The following SCML4 variants were observed in gnomAD, a reference collection of about 807,000 sequenced individuals.
SCML4 encodes Scm polycomb group protein like 4.
A neutral mutation model predicts 41.1 loss-of-function variants in SCML4; 34 were observed. The observed-to-expected ratio is 0.83, with a 90% CI of 0.63 to 1.10. The LOEUF (loss-of-function observed/expected upper bound fraction) is 1.10, where lower values mean the gene tolerates loss of function less well. Ranked by LOEUF, SCML4 falls within the 50% of genes least tolerant of loss-of-function variation. The pLI is 0.00. For missense variants in SCML4, 522 were observed against 534.1 expected (o/e 0.98, Z 0.22); for synonymous variants, 214 against 220.9 (o/e 0.97, Z 0.28).
chr6:107,797,002 C>T (rs180716568), intron 1 of SCML4, among the ~76,000 whole-genome samples: 17 of 152,138 alleles, frequency 1.1e-4, no homozygotes, highest in East Asian at 1.9e-4. Context: ...TATTTCTGAA[C>T]GCTTGATTCT....
chr6:107,813,369 ATTAT>A (rs1211668899), intron 1 of SCML4, among the ~76,000 whole-genome samples: 1 of 82,804 alleles, frequency 1.2e-5, no homozygotes, highest in African/African-American at 4.7e-5. Context: ...TCTCAAAAAA[ATTAT>A]ATATATATAT....
intron 6 of SCML4, among the ~76,000 whole-genome samples, chr6:107,711,636 G>GA: frequency 6.6e-6 from 1 of 152,132 alleles, no homozygotes; most frequent in East Asian, 1.9e-4. Context: ...AATGTGAGAT[G>GA]AATCAATATA....
intron 5 of SCML4, among the ~76,000 whole-genome samples, chr6:107,744,535 G>A (rs1777887514): frequency 6.6e-6 from 1 of 152,182 alleles, no homozygotes; most frequent in South Asian, 2.1e-4. Context: ...AACATCATCA[G>A]TTCTATAGCT....
At position 107,711,336 on chromosome 6, in the gene SCML4, C is replaced by T. The variant is rs77308011; in HGVS notation, c.974-3325G>A. On this transcript the variant is annotated intron_variant, in intron 6 of 7. Coordinates refer to ENST00000369020, the MANE Select transcript of SCML4 (RefSeq NM_198081.5). ...CTCAGAGTACATATACAGTCATGCA[C>T]CGCCTAAGGACGGTGGTCCCATAAG... 9.6e-3 allele frequency among the ~76,000 whole-genome samples: 1,458 copies of T among 152,274 alleles called. 29 individuals carry two copies. Among genetic ancestry groups the T allele is most frequent in the African/African-American group, 0.033 (1,377 of 41,542 alleles).
chr6:107,812,141 C>A (rs548626599), intron 1 of SCML4, among the ~76,000 whole-genome samples: 1 of 152,322 alleles, frequency 6.6e-6, no homozygotes, highest in Non-Finnish European at 1.5e-5. Flanking sequence ...CCGGGAAACT[C>A]CCTCTCCCAT....
At chr6:107,809,540 A>G (rs954684341) in intron 1 of SCML4, among the ~76,000 whole-genome samples, 2 of 152,204 alleles carry the variant, frequency 1.3e-5, no homozygotes. Flanking sequence ...AACTTTTTTG[A>G]AAGTAACATC....
the SCML4 span, among the ~76,000 whole-genome samples, chr6:107,842,424 G>A: frequency 6.6e-6 from 1 of 152,162 alleles, no homozygotes; most frequent in Non-Finnish European, 1.5e-5. Context: ...TGTCAATTAG[G>A]TCAAGTTGGT....
chr6:107,729,301 C>A (rs1253924313), intron 5 of SCML4, among the ~76,000 whole-genome samples: 2 of 152,146 alleles, frequency 1.3e-5, no homozygotes, highest in Non-Finnish European at 2.9e-5. Context: ...TTCTAGCATC[C>A]CCTGGTGGCC....
chr6:107,766,477 AT>A (rs1780056084), intron 2 of SCML4, among the ~76,000 whole-genome samples: 1 of 152,210 alleles, frequency 6.6e-6, no homozygotes, highest in Admixed American at 6.5e-5. Flanking sequence ...CCCTGTCCAG[AT>A]AAAAAACAAA....
chr6:107,751,616 T>TCTCTC (rs1562218800), intron 2 of SCML4, among the ~76,000 whole-genome samples: 5 of 147,696 alleles, frequency 3.4e-5, no homozygotes, highest in East Asian at 4.3e-4. Context: ...CTTTCTTTCT[T>TCTCTC]TCTTTCTTTC....
At chr6:107,731,913 G>A (rs1776595436) in intron 5 of SCML4, 1 of 152,536 alleles carries the variant, frequency 6.6e-6, no homozygotes, top group African/African-American at 2.4e-5. Context: ...GCAGTAGCAG[G>A]TGCTCGTGCC....
intron 1 of SCML4, among the ~76,000 whole-genome samples, chr6:107,787,531 T>A (rs1024241033): frequency 6.6e-6 from 1 of 152,260 alleles, no homozygotes; most frequent in African/African-American, 2.4e-5. Flanking sequence ...ACATTTAGTT[T>A]TGAGAAAGCG....
chr6:107,723,359 T>C (rs557815916), intron 5 of SCML4, among the ~76,000 whole-genome samples: 1 of 152,196 alleles, frequency 6.6e-6, no homozygotes, highest in Non-Finnish European at 1.5e-5. Context: ...GCCAATTTTA[T>C]GATAAAGTAT....
intron 5 of SCML4, among the ~76,000 whole-genome samples, chr6:107,744,421 G>T (rs1777872788): frequency 6.6e-6 from 1 of 152,160 alleles, no homozygotes; most frequent in Non-Finnish European, 1.5e-5. Flanking sequence ...ACCCTTGCTG[G>T]AAGACATATT....
chr6:107,811,162 C>G (rs1217995321), intron 1 of SCML4, among the ~76,000 whole-genome samples: 1 of 152,174 alleles, frequency 6.6e-6, no homozygotes, highest in Non-Finnish European at 1.5e-5. Flanking sequence ...TCTTAGACTT[C>G]TAGCTTTCAG....
chr6:107,789,445 C>T (rs75295726), intron 1 of SCML4, among the ~76,000 whole-genome samples: 4,333 of 152,276 alleles, frequency 0.028, 234 homozygotes, highest in African/African-American at 0.099. Flanking sequence ...AGGCGGGTTC[C>T]TCTGGCATGT....
chr6:107,792,809 T>C (rs769444173), intron 1 of SCML4, among the ~76,000 whole-genome samples: 24 of 152,140 alleles, frequency 1.6e-4, no homozygotes, highest in Non-Finnish European at 3.2e-4. Flanking sequence ...CCTTGCTATT[T>C]GAAAAAGATT....
At chr6:107,830,104 C>T in the SCML4 span, among the ~76,000 whole-genome samples, 4 of 152,166 alleles carry the variant, frequency 2.6e-5, no homozygotes, top group Admixed American at 1.3e-4. Context: ...TCCTTCCCCA[C>T]CCAAGGGCCT....
chr6:107,799,361 G>A (rs1375301435), intron 1 of SCML4, among the ~76,000 whole-genome samples: 1 of 152,120 alleles, frequency 6.6e-6, no homozygotes, highest in Non-Finnish European at 1.5e-5. Flanking sequence ...TACTTTGTAT[G>A]ATATTGCTAT....
Sources: allele counts gnomAD v4.1 joint callset (sites outside exome capture counted in the v4.1 genomes callset), GRCh38; gene constraint gnomAD v4.1.1; transcripts MANE v1.5; gene names NCBI Gene and HGNC (gene_info 2026-07-23, HGNC 2026-07-21).